EPHA6: variants seen among roughly 807,000 people sequenced by gnomAD.
EPHA6 encodes the protein EPH receptor A6, also known as ephrin type-A receptor 6.
In EPHA6, 50 loss-of-function variants were observed where a neutral mutation model predicts 112.0. The ratio of observed to expected loss-of-function variants is 0.45; its 90% CI spans 0.36 to 0.56. The LOEUF is 0.56. EPHA6 is among the 20% of genes least tolerant of loss of function. The pLI is 0.00. For missense variants in EPHA6, 1,280 were observed against 1,417.4 expected, an observed-to-expected ratio of 0.90 and a Z score of 1.56; for synonymous variants, 529 against 490.7, an observed-to-expected ratio of 1.08 and a Z score of -1.03.
chr3:97,234,246 C>A (rs997445962), intron 4 of EPHA6, among the ~76,000 whole-genome samples: 1 of 152,016 alleles, frequency 6.6e-6, no homozygotes, highest in African/African-American at 2.4e-5. Flanking sequence ...TTGTTTATCT[C>A]CTCTACTGAA....
intron 10 of EPHA6, among the ~76,000 whole-genome samples, chr3:97,514,295 A>T (rs1257056335): frequency 6.6e-6 from 1 of 151,850 alleles, no homozygotes; most frequent in East Asian, 1.9e-4. Flanking sequence ...GTATCTTCAA[A>T]TTTCCCTCTG....
chr3:97,134,017 CA>C (rs1008987483), intron 3 of EPHA6, among the ~76,000 whole-genome samples: 18 of 151,730 alleles, frequency 1.2e-4, no homozygotes, highest in African/African-American at 4.3e-4. Context: ...TTGTTTTTGC[CA>C]CTGTTTGTTT....
At chr3:96,988,110 A>G (rs930204864) in intron 3 of EPHA6, 117 bp downstream of exon 3, 2 of 728,148 alleles carry the variant, frequency 2.7e-6, no homozygotes, top group Admixed American at 3.1e-5. Flanking sequence ...TAATGTTTTG[A>G]TACATATAAT....
At chr3:96,885,587 G>A (rs1192709108) in intron 2 of EPHA6, among the ~76,000 whole-genome samples, 4 of 151,920 alleles carry the variant, frequency 2.6e-5, no homozygotes, top group Admixed American at 2.6e-4. Context: ...TGTTTCATTT[G>A]TTAGTGAGGT....
intron 14 of EPHA6, among the ~76,000 whole-genome samples, chr3:97,696,898 G>C (rs1161128635): frequency 1.3e-5 from 2 of 152,200 alleles, no homozygotes; most frequent in Non-Finnish European, 2.9e-5. Context: ...CACAGTGTCA[G>C]TGTGCAGGCT....
chr3:97,030,859 A>G (rs975013933), intron 3 of EPHA6, among the ~76,000 whole-genome samples: 5 of 152,068 alleles, frequency 3.3e-5, no homozygotes, highest in Admixed American at 2.0e-4. Flanking sequence ...TTCTATCGCC[A>G]TAAACTATGA....
At chr3:96,908,593 A>G (rs945405808) in intron 2 of EPHA6, among the ~76,000 whole-genome samples, 1 of 151,812 alleles carries the variant, frequency 6.6e-6, no homozygotes, top group African/African-American at 2.4e-5. Flanking sequence ...TTTCCATTTT[A>G]TCTTCCAGGA....
chr3:97,351,317 G>A (rs1357983040), intron 5 of EPHA6, among the ~76,000 whole-genome samples: 1 of 152,174 alleles, frequency 6.6e-6, no homozygotes, highest in Non-Finnish European at 1.5e-5. Context: ...GCTATTTAGT[G>A]CTTATAAAAC....
In EPHA6 at chr3:97,751,617, AT is replaced by A. The variant is rs1207992662; in HGVS notation, c.*2918del. Among the ~76,000 whole-genome samples the A allele has an allele frequency of 6.6e-6, 1 of 152,136 alleles. No homozygotes were observed. Among genetic ancestry groups the A allele is most frequent in the Non-Finnish European group, 1.5e-5 (1 of 67,968 alleles). ...GGAATATAAACAGTTAAAATGCCAA[AT>A]TCATCTGAAAATTTTACATGAAACA... is the stretch of plus-strand genomic sequence containing the variant. On this transcript the variant is annotated 3_prime_UTR_variant, in exon 18 of 18. Transcript: ENST00000389672.
rs550510182 is a variant in EPHA6 at position 97,061,782 on chromosome 3, T to C, written c.1114+73789T>C. Among the ~76,000 whole-genome samples the C allele has an allele frequency of 8.5e-5, 13 of 152,220 alleles. No homozygotes were observed. The South Asian group carries it at 2.3e-3, about 27-fold the overall frequency. ...GTTCATTCACTCATTCATTCATTCA[T>C]TTAACAGCTGCTGAAACGCATACTA... On this transcript the variant is annotated intron_variant, in intron 3 of 17. Coordinates refer to ENST00000389672, the MANE Select transcript of EPHA6 (RefSeq NM_001080448.3).
chr3:97,431,402 T>C (rs2089497029), intron 6 of EPHA6, among the ~76,000 whole-genome samples: 1 of 152,128 alleles, frequency 6.6e-6, no homozygotes, highest in African/African-American at 2.4e-5. Flanking sequence ...AAGTTTGTCA[T>C]GGTTGAATAG....
At chr3:97,370,999 C>T (rs1405729139) in intron 5 of EPHA6, among the ~76,000 whole-genome samples, 1 of 151,698 alleles carries the variant, frequency 6.6e-6, no homozygotes, top group Non-Finnish European at 1.5e-5. Flanking sequence ...TTTCTGGGCT[C>T]ATAAGGAGTG....
intron 10 of EPHA6, among the ~76,000 whole-genome samples, chr3:97,510,608 A>G (rs1376441752): frequency 6.6e-6 from 1 of 152,100 alleles, no homozygotes; most frequent in East Asian, 1.9e-4. Flanking sequence ...GCTCTGTTAT[A>G]TGGGGTGTCT....
chr3:97,037,443 T>C (rs553382255), intron 3 of EPHA6, among the ~76,000 whole-genome samples: 10 of 152,044 alleles, frequency 6.6e-5, no homozygotes, highest in African/African-American at 1.2e-4. Context: ...TATCATCATA[T>C]GCAGTCTTTT....
At chr3:97,678,365 G>C (rs2031579156) in intron 14 of EPHA6, among the ~76,000 whole-genome samples, 1 of 152,170 alleles carries the variant, frequency 6.6e-6, no homozygotes, top group South Asian at 2.1e-4. Flanking sequence ...TGGGCCATGA[G>C]GTTCAGAGGG....
chr3:97,188,583 T>C (rs1287622340), intron 3 of EPHA6, among the ~76,000 whole-genome samples: 3 of 151,996 alleles, frequency 2.0e-5, no homozygotes, highest in African/African-American at 4.8e-5. Context: ...ACCATTATCA[T>C]GGAGAAATGT....
chr3:97,626,982 G>C (rs1271771843), intron 13 of EPHA6, among the ~76,000 whole-genome samples: 1 of 151,808 alleles, frequency 6.6e-6, no homozygotes, highest in East Asian at 1.9e-4. Flanking sequence ...ATAAACTAAT[G>C]TAACTAACAT....
At chr3:97,634,377 TTC>T (rs2093928090) in intron 13 of EPHA6, among the ~76,000 whole-genome samples, 1 of 152,068 alleles carries the variant, frequency 6.6e-6, no homozygotes, top group African/African-American at 2.4e-5. Context: ...TAGAGCTTTT[TTC>T]TTTTCGTCAA....
chr3:97,716,258 T>C (rs538323945), intron 14 of EPHA6, among the ~76,000 whole-genome samples: 1 of 152,258 alleles, frequency 6.6e-6, no homozygotes, highest in Non-Finnish European at 1.5e-5. Context: ...AGTTGATCCA[T>C]TCAATTAAAA....
Sources: allele counts gnomAD v4.1 joint callset (sites outside exome capture counted in the v4.1 genomes callset), GRCh38; gene constraint gnomAD v4.1.1; transcripts MANE v1.5; gene names NCBI Gene and HGNC (gene_info 2026-07-23, HGNC 2026-07-21).